Variants in SAMD4A observed in about 807,000 individuals in gnomAD.
The protein encoded by SAMD4A is sterile alpha motif domain containing 4A, also known as protein Smaug homolog 1.
SAMD4A carries 33 observed loss-of-function variants against 81.3 expected under a neutral mutation model. The ratio of observed to expected loss-of-function variants is 0.41; its 90% CI spans 0.31 to 0.54. The LOEUF (loss-of-function observed/expected upper bound fraction) is 0.54, where lower values mean the gene tolerates loss of function less well. SAMD4A is among the 20% of genes least tolerant of loss of function. The pLI is 0.37. For synonymous variants in SAMD4A, 389 were observed against 382.1 expected, an observed-to-expected ratio of 1.02 and a Z score of -0.21; for missense variants, 854 against 951.1, an observed-to-expected ratio of 0.90 and a Z score of 1.34.
At chr14:54,753,497 A>G (rs1308732429) in intron 6 of SAMD4A, among the ~76,000 whole-genome samples, 1 of 152,240 alleles carries the variant, frequency 6.6e-6, no homozygotes, top group Non-Finnish European at 1.5e-5. Context: ...CAGCAAAACT[A>G]CAAATTAACA....
chr14:54,636,093 G>A (rs1382418178), intron 2 of SAMD4A, among the ~76,000 whole-genome samples: 4 of 152,202 alleles, frequency 2.6e-5, no homozygotes, highest in Non-Finnish European at 5.9e-5. Context: ...AGTCAGGCAA[G>A]CTATGGTTGC....
At position 54,567,963 on chromosome 14, in the gene SAMD4A, G is replaced by A; in HGVS notation, c.47G>A (p.Gly16Asp). Residue 16 changes from glycine (G) to aspartate (D), a missense_variant, in exon 2 of 13, where the codon GGC becomes GAC. By Grantham distance (94) the Gly-to-Asp change is moderately conservative. This residue lies in a region of SAMD4A where 387 missense variants were observed against 405.8 expected (regional missense o/e 0.95). Transcript: ENST00000554335. Reference protein sequence around the residue: ...QVGVLAGWFKGWNECEQTVAL... With the variant: ...QVGVLAGWFKDWNECEQTVAL... Reference sequence around the variant, plus strand: ...GGGGTGCTGGCGGGCTGGTTTAAGGGCTGGAACGAGTGCGAGCAGACTGTT... The same window carrying A: ...GGGGTGCTGGCGGGCTGGTTTAAGGACTGGAACGAGTGCGAGCAGACTGTT... 2 of 1,610,414 alleles carry A rather than the reference G, an allele frequency of 1.2e-6. No individual in the cohort carries two copies. The highest frequency in any genetic ancestry group is 8.5e-7 in the Non-Finnish European group (1 of 1,179,492).
At chr14:54,740,645 G>A (rs2037822943) in intron 4 of SAMD4A, among the ~76,000 whole-genome samples, 1 of 152,114 alleles carries the variant, frequency 6.6e-6, no homozygotes, top group Non-Finnish European at 1.5e-5. Context: ...GTGCCTCTTG[G>A]GTCAAGGGTA....
intron 2 of SAMD4A, among the ~76,000 whole-genome samples, chr14:54,595,485 T>G (rs567983505): frequency 6.7e-6 from 1 of 149,944 alleles, no homozygotes; most frequent in East Asian, 1.9e-4. Flanking sequence ...GAATAAATGA[T>G]TAAACGAACT....
intron 3 of SAMD4A, among the ~76,000 whole-genome samples, chr14:54,724,061 A>G (rs571895152): frequency 3.7e-4 from 28 of 76,042 alleles, no homozygotes; most frequent in Non-Finnish European, 6.9e-4. Flanking sequence ...ATAATGCAGG[A>G]CGCATCTATT....
intron 4 of SAMD4A, among the ~76,000 whole-genome samples, chr14:54,739,278 G>A (rs1199220426): frequency 5.3e-5 from 8 of 151,922 alleles, no homozygotes; most frequent in Non-Finnish European, 1.2e-4. Context: ...AAGCCTCTGT[G>A]ATTCCTTTCA....
chr14:54,582,311 G>T (rs1396619483), intron 2 of SAMD4A, among the ~76,000 whole-genome samples: 3 of 151,988 alleles, frequency 2.0e-5, no homozygotes, highest in Admixed American at 2.0e-4. Flanking sequence ...GAGAGAGAAA[G>T]ATGCCCAGAG....
chr14:54,656,024 A>G (rs1826473210), intron 2 of SAMD4A, among the ~76,000 whole-genome samples: 1 of 152,246 alleles, frequency 6.6e-6, no homozygotes, highest in African/African-American at 2.4e-5. Context: ...ATAAATGGCA[A>G]TAAATATTAA....
intron 4 of SAMD4A, 132 bp downstream of exon 4, chr14:54,737,419 T>G: frequency 9.4e-7 from 1 of 1,068,858 alleles, no homozygotes; most frequent in Non-Finnish European, 1.3e-6. Flanking sequence ...ATTTGATCTG[T>G]CCCTTCCAGA....
At chr14:54,637,742 G>C (rs1172815669) in intron 2 of SAMD4A, among the ~76,000 whole-genome samples, 1 of 152,202 alleles carries the variant, frequency 6.6e-6, no homozygotes, top group Non-Finnish European at 1.5e-5. Context: ...AGCTTTGTAA[G>C]TGACACAGTG....
intron 2 of SAMD4A, among the ~76,000 whole-genome samples, chr14:54,654,995 G>T (rs1244412390): frequency 6.6e-6 from 1 of 152,164 alleles, no homozygotes; most frequent in Non-Finnish European, 1.5e-5. Context: ...GACCATTTCA[G>T]GTTGGATTTC....
chr14:54,642,917 C>T (rs917929757), intron 2 of SAMD4A, among the ~76,000 whole-genome samples: 3 of 152,180 alleles, frequency 2.0e-5, no homozygotes, highest in Admixed American at 1.3e-4. Context: ...ACAGAGAGCT[C>T]AGCAGTGAGC....
At chr14:54,609,333 G>T (rs1227186481) in intron 2 of SAMD4A, among the ~76,000 whole-genome samples, 1 of 152,244 alleles carries the variant, frequency 6.6e-6, no homozygotes, top group Admixed American at 6.5e-5. Flanking sequence ...GAGGTTGGAA[G>T]AGGCAAGGAA....
chr14:54,780,068 C>A (rs2038961544), intron 11 of SAMD4A, among the ~76,000 whole-genome samples: 1 of 152,138 alleles, frequency 6.6e-6, no homozygotes, highest in Admixed American at 6.5e-5. Context: ...CCTGGCTCAA[C>A]AGTAGGAGAT....
chr14:54,689,397 T>G (rs927512378), intron 2 of SAMD4A, among the ~76,000 whole-genome samples: 2 of 152,082 alleles, frequency 1.3e-5, no homozygotes, highest in Admixed American at 1.3e-4. Context: ...AACAACCACA[T>G]AGTACTCACC....
intron 11 of SAMD4A, among the ~76,000 whole-genome samples, chr14:54,780,823 G>A (rs940562716): frequency 6.6e-6 from 1 of 152,052 alleles, no homozygotes; most frequent in African/African-American, 2.4e-5. Flanking sequence ...CAGAGAAAAG[G>A]TGCGTTCCCA....
chr14:54,743,099 T>C (rs1394940637), intron 4 of SAMD4A, among the ~76,000 whole-genome samples: 2 of 152,108 alleles, frequency 1.3e-5, no homozygotes, highest in East Asian at 3.9e-4. Flanking sequence ...CAGAAACCTT[T>C]GTAAGAAAGG....
At chr14:54,593,234 T>A (rs556743057) in intron 2 of SAMD4A, among the ~76,000 whole-genome samples, 36 of 152,360 alleles carry the variant, frequency 2.4e-4, no homozygotes, top group Non-Finnish European at 2.6e-4. Flanking sequence ...TAGATGCTTA[T>A]GTTTTTGTTC....
intron 3 of SAMD4A, among the ~76,000 whole-genome samples, chr14:54,716,477 G>A (rs534336221): frequency 1.3e-5 from 2 of 152,288 alleles, no homozygotes; most frequent in South Asian, 4.1e-4. Context: ...TTACAGAGGT[G>A]TCTCATTTTA....
Sources: allele counts gnomAD v4.1 joint callset (sites outside exome capture counted in the v4.1 genomes callset), GRCh38; gene constraint gnomAD v4.1.1; regional missense constraint gnomAD v4.1.1; transcripts MANE v1.5; gene names NCBI Gene and HGNC (gene_info 2026-07-23, HGNC 2026-07-21).